Variants in AGAP1 observed in about 807,000 individuals in gnomAD.
AGAP1 encodes the protein ArfGAP with GTPase domain, ankyrin repeat and PH domain 1.
A neutral mutation model predicts 105.3 loss-of-function variants in AGAP1; 29 were observed. The ratio of observed to expected loss-of-function variants is 0.28; its 90% CI spans 0.21 to 0.38. AGAP1 has a LOEUF of 0.38. AGAP1 is among the 10% of genes least tolerant of loss of function. The probability of loss-of-function intolerance (pLI) is 1.00; values close to 1 mark genes in which losing one functional copy is unlikely to be tolerated. For synonymous variants in AGAP1, 509 were observed against 485.9 expected (o/e 1.05, Z -0.63); for missense variants, 998 against 1,165.1 (o/e 0.86, Z 2.09).
In AGAP1 at chr2:235,819,731, A is replaced by C. The variant is rs144625085; in HGVS notation, c.1050+12400A>C. Among the ~76,000 whole-genome samples the C allele has an allele frequency of 2.9e-3, 439 of 151,968 alleles. 2 individuals carry two copies. The highest frequency in any genetic ancestry group is 0.02 in the East Asian group (103 of 5,146). ...TTCCCTGTTTATAGCTATGTGCATC[A>C]TTCACGCCTCCTTTCCCACGTGTTT... On this transcript the variant is annotated intron_variant, in intron 9 of 17. Coordinates refer to ENST00000304032, the MANE Select transcript of AGAP1 (RefSeq NM_001037131.3).
chr2:235,955,287 C>T lies in AGAP1; in HGVS notation c.1484-13175C>T, dbSNP rs975782470. Among the ~76,000 whole-genome samples, 68 of 152,088 alleles carry T rather than the reference C, an allele frequency of 4.5e-4. 1 individual carries two copies. Among genetic ancestry groups the T allele is most frequent in the Non-Finnish European group, 1.3e-4 (9 of 68,024 alleles). On this transcript the variant is annotated intron_variant, in intron 12 of 17. Coordinates refer to ENST00000304032, the MANE Select transcript of AGAP1 (RefSeq NM_001037131.3). The stretch of plus-strand genomic sequence containing the variant: ...CCTGGGTGCGGGCCATCCTGAGGAG[C>T]GGGGACCTCTCCATCAGCACGTGGG...
At position 235,993,980 on chromosome 2, in the gene AGAP1, G is replaced by A. The variant is rs1575996938; in HGVS notation, c.1645+25357G>A. Among the ~76,000 whole-genome samples the A allele has an allele frequency of 6.6e-6, 1 of 151,306 alleles. No individual in the cohort carries two copies. The highest frequency in any genetic ancestry group is 2.1e-4 in the South Asian group (1 of 4,670). ...GATGTCCTAGGAACACAGGTCCTAG[G>A]TGTTTTTTTTTAGCTTGGGAAAGTT... On this transcript the variant is annotated intron_variant, in intron 13 of 17. Coordinates refer to ENST00000304032, the MANE Select transcript of AGAP1 (RefSeq NM_001037131.3). This position sits in a 1 kb window ranked among gnomAD's most constrained non-coding sequence, Gnocchi z 5.0.
intron 3 of AGAP1, among the ~76,000 whole-genome samples, chr2:235,731,136 G>A (rs1559407599): frequency 6.6e-6 from 1 of 152,224 alleles, no homozygotes; most frequent in Non-Finnish European, 1.5e-5. Context: ...TTGTTTGGTG[G>A]TGGTTGAGAT....
chr2:235,648,980 G>C (rs528832263), intron 1 of AGAP1, among the ~76,000 whole-genome samples: 2 of 152,268 alleles, frequency 1.3e-5, no homozygotes, highest in East Asian at 1.9e-4. Context: ...CACCATGGTA[G>C]CTCCTCCTAA....
intron 11 of AGAP1, among the ~76,000 whole-genome samples, chr2:235,920,063 C>T (rs1477544360): frequency 1.3e-5 from 2 of 152,096 alleles, no homozygotes; most frequent in Non-Finnish European, 2.9e-5. Context: ...GACGACGAAC[C>T]GTCTAATTCT....
At chr2:236,097,352 T>C (rs573055159) in intron 16 of AGAP1, among the ~76,000 whole-genome samples, 1 of 146,080 alleles carries the variant, frequency 6.8e-6, no homozygotes, top group African/African-American at 2.5e-5. Context: ...TCATGAAATA[T>C]ACATAATATA....
At position 235,751,797 on chromosome 2, in the gene AGAP1, C is replaced by T. The variant is rs1450421506; in HGVS notation, c.673+1309C>T. ...AGTTACTGCTTCATGGCTTAGGTTT[C>T]TTCTCGCCTTATCCAGTGCCAATGC... is the stretch of plus-strand genomic sequence containing the variant. On this transcript the variant is annotated intron_variant, in intron 6 of 17. Coordinates refer to ENST00000304032, the MANE Select transcript of AGAP1 (RefSeq NM_001037131.3). This position sits in a 1 kb window ranked among gnomAD's most constrained non-coding sequence, Gnocchi z 5.3. Among the ~76,000 whole-genome samples, 3 of 152,178 alleles carry T rather than the reference C, an allele frequency of 2.0e-5. No individual in the cohort carries two copies. Among genetic ancestry groups the T allele is most frequent in the Admixed American group, 2.0e-4 (3 of 15,280 alleles).
intron 2 of AGAP1, among the ~76,000 whole-genome samples, chr2:235,710,487 C>T (rs1222529913): frequency 1.3e-5 from 2 of 152,170 alleles, no homozygotes; most frequent in East Asian, 3.9e-4. Context: ...CATCTCCTTC[C>T]CGGTGTCTGC....
chr2:235,828,166 C>T (rs1959167532), intron 9 of AGAP1, among the ~76,000 whole-genome samples: 1 of 152,190 alleles, frequency 6.6e-6, no homozygotes, highest in Non-Finnish European at 1.5e-5. Context: ...GAGTATCTTT[C>T]TTGGCTACAG....
intron 9 of AGAP1, among the ~76,000 whole-genome samples, chr2:235,847,247 C>T (rs1467585929): frequency 5.9e-5 from 9 of 152,180 alleles, no homozygotes; most frequent in Admixed American, 5.2e-4. Flanking sequence ...AGAAAAAATA[C>T]TGCTTTAGAA....
chr2:235,910,790 G>A (rs1575758647), intron 11 of AGAP1, among the ~76,000 whole-genome samples: 1 of 152,078 alleles, frequency 6.6e-6, no homozygotes, highest in Non-Finnish European at 1.5e-5. Flanking sequence ...GGAGATGTGC[G>A]CCTGTAATTC....
In AGAP1 at chr2:235,720,576, T is replaced by TA; in HGVS notation, c.310+2933dup. 2.6e-6 allele frequency: 2 copies of TA among 780,452 alleles called. No individual in the cohort carries two copies. The highest frequency in any genetic ancestry group is 1.2e-4 in the South Asian group (2 of 16,938). 48.3% of individuals were successfully genotyped at this position (780,452 alleles called of 1,614,324 possible). A position where few individuals can be genotyped will look rare whatever the true frequency, so the allele number is the denominator to read the frequency against. On this transcript the variant is annotated intron_variant, in intron 3 of 17. Transcript: ENST00000304032. The surrounding 1 kb of genome is among the most constrained non-coding windows in gnomAD (Gnocchi z 5.0). ...CTTCTCATCAGACCTCCTTTCCTCT[T>TA]ACAACTGCTAGAGCGATCAACTGGG...
rs1039703880 is a variant in AGAP1 at position 235,861,146 on chromosome 2, A to G, written c.1051-22199A>G. On this transcript the variant is annotated intron_variant, in intron 9 of 17. Coordinates refer to ENST00000304032, the MANE Select transcript of AGAP1 (RefSeq NM_001037131.3). ...AGGCCATTTTTAGCTTGCTGATACA[A>G]TATTTGCAGTGGTTCATCATTCGAT... Among the ~76,000 whole-genome samples the G allele has an allele frequency of 1.3e-5, 2 of 152,214 alleles. 1 individual carries two copies. The highest frequency in any genetic ancestry group is 6.3e-3 in the Middle Eastern group (2 of 316).
At chr2:235,749,210 T>TTTAA (rs1553621044) in intron 5 of AGAP1, among the ~76,000 whole-genome samples, 1 of 148,764 alleles carries the variant, frequency 6.7e-6, no homozygotes, top group African/African-American at 2.5e-5. Flanking sequence ...TCCATCTCAT[T>TTTAA]AAAAAAAAAG....
intron 1 of AGAP1, among the ~76,000 whole-genome samples, chr2:235,590,692 C>CGTGTGTGT (rs1183327731): frequency 1.4e-5 from 1 of 72,556 alleles, no homozygotes; most frequent in Non-Finnish European, 2.6e-5. Flanking sequence ...TGTGCGTGTG[C>CGTGTGTGT]GTGTGTGTGT....
Position 235,642,277 on chromosome 2 carries a change from G to T in AGAP1, c.164-66902G>T, listed in dbSNP as rs1002347572. Among the ~76,000 whole-genome samples the T allele has an allele frequency of 2.0e-5, 3 of 152,204 alleles. No homozygotes were observed. Among genetic ancestry groups the T allele is most frequent in the African/African-American group, 7.2e-5 (3 of 41,442 alleles). ...CTTTCCTCACATTTGGGGGCATTCA[G>T]TGGGGGAGGATTTACAAAGAAACTT... On this transcript the variant is annotated intron_variant, in intron 1 of 17. Transcript: ENST00000304032. The surrounding 1 kb of genome is among the most constrained non-coding windows in gnomAD (Gnocchi z 4.1).
chr2:235,507,358 C>T (rs990212651), intron 1 of AGAP1: 3 of 152,538 alleles, frequency 2.0e-5, no homozygotes, highest in Non-Finnish European at 4.4e-5. Context: ...CGGGGGAGCG[C>T]TGGTGGAGGA....
chr2:235,543,730 G>T (rs559076462), intron 1 of AGAP1, among the ~76,000 whole-genome samples: 1 of 152,354 alleles, frequency 6.6e-6, no homozygotes, highest in Non-Finnish European at 1.5e-5. Flanking sequence ...AGGCTGGGCT[G>T]AAACCACCTC....
rs1351028916 is a variant in AGAP1, at chr2:235,655,267, A to G, written c.164-53912A>G. Reference sequence around the variant, plus strand: ...TTTGTTCTTTAAAGCACTTTATTCCATTGGGATATCACAATTTCGTAGCCT... The same window carrying G: ...TTTGTTCTTTAAAGCACTTTATTCCGTTGGGATATCACAATTTCGTAGCCT... On this transcript the variant is annotated intron_variant, in intron 1 of 17. Transcript: ENST00000304032. This position sits in a 1 kb window ranked among gnomAD's most constrained non-coding sequence, Gnocchi z 4.3. Among the ~76,000 whole-genome samples, 2 of 152,208 alleles carry G rather than the reference A, an allele frequency of 1.3e-5. No individual in the cohort carries two copies. The highest frequency in any genetic ancestry group is 4.8e-5 in the African/African-American group (2 of 41,458).
Sources: gnomAD v4.1 joint callset for allele counts (sites outside exome capture counted in the v4.1 genomes callset) on GRCh38, gnomAD v4.1.1 for gene constraint, Gnocchi (gnomAD v3.1) non-coding constraint, MANE v1.5 for transcripts, NCBI Gene and HGNC (gene_info 2026-07-23, HGNC 2026-07-21) for gene names.